Variants in UNK observed in about 807,000 individuals in gnomAD.
UNK encodes the protein unk zinc finger, also known as RING finger protein unkempt homolog.
Under a neutral mutation model 97.6 loss-of-function variants are expected in UNK, and 32 were observed. The observed-to-expected ratio is 0.33, with a 90% CI of 0.25 to 0.44. The LOEUF is 0.44. Ranked by LOEUF, UNK falls within the 20% of genes least tolerant of loss-of-function variation. UNK has a pLI of 1.00. For synonymous variants in UNK, 441 were observed against 461.2 expected (o/e 0.96, Z 0.56); for missense variants, 771 against 1,098.4 (o/e 0.70, Z 4.21).
intron 1 of UNK, among the ~76,000 whole-genome samples, chr17:75,805,395 A>G (rs1406902431): frequency 2.9e-5 from 4 of 137,782 alleles, no homozygotes; most frequent in Admixed American, 7.1e-5. Flanking sequence ...ACTGTCTCAA[A>G]AAGGAAAAAA....
At chr17:75,810,724 C>T (rs1332780530) in intron 2 of UNK, among the ~76,000 whole-genome samples, 1 of 152,208 alleles carries the variant, frequency 6.6e-6, no homozygotes, top group East Asian at 1.9e-4. Context: ...GCAACCTCCA[C>T]CTCCTGGGTG....
chr17:75,818,235 C>A lies in UNK; in HGVS notation c.1371+67C>A. The A allele has an allele frequency of 6.4e-7, 1 of 1,569,224 alleles. No homozygotes were observed. The highest frequency in any genetic ancestry group is 8.7e-7 in the Non-Finnish European group (1 of 1,146,466). On this transcript the variant is annotated intron_variant, in intron 10 of 15. Transcript: ENST00000589666. The surrounding 1 kb of genome is among the most constrained non-coding windows in gnomAD (Gnocchi z 5.1). ...AGGAGTGGCCCAGAACCCCAGGAGG[C>A]TTCGGGGAGTGGGAGGCACCACTTT...
Position 75,812,572 on chromosome 17 carries a change from G to A in UNK, c.609G>A (p.Glu203=), listed in dbSNP as rs756774600. The A allele has an allele frequency of 3.1e-6, 5 of 1,613,066 alleles. No individual in the cohort carries two copies. In the South Asian group the frequency reaches 5.5e-5, roughly 18 times the overall value. The part of the protein sequence containing the change: ...HAMIEKILSE[E]PRWQETAYVL... ...TGATAGAAAAGATCCTCAGCGAGGAGCCTCGGTGGCAAGGTACAGGCATCC... is the reference window on the plus strand; with the variant it reads ...TGATAGAAAAGATCCTCAGCGAGGAACCTCGGTGGCAAGGTACAGGCATCC... The change falls in exon 4 of 16, where the codon GAG becomes GAA. Residue 203 remains glutamate, a synonymous_variant. Coordinates refer to ENST00000589666, the MANE Select transcript of UNK (RefSeq NM_001080419.3).
At chr17:75,798,132 A>G (rs4788910) in intron 1 of UNK, among the ~76,000 whole-genome samples, 134,797 of 150,462 alleles carry the variant, frequency 0.9, 60,894 homozygotes, top group Non-Finnish European at 0.96. Context: ...GTGCAATGGC[A>G]CGATTTCGGC....
rs1265280655 is a variant in UNK at position 75,784,907 on chromosome 17, C to G, written c.27C>G (p.Gly9=). 1 of 1,572,866 alleles carries G rather than the reference C, an allele frequency of 6.4e-7. No homozygotes were observed. The highest frequency in any genetic ancestry group is 8.6e-7 in the Non-Finnish European group (1 of 1,163,196). Residue 9 remains glycine, a synonymous_variant, in exon 1 of 16, where the codon GGC becomes GGG. Coordinates refer to ENST00000589666, the MANE Select transcript of UNK (RefSeq NM_001080419.3). MSKGPGPG[G]SAASSAPPAA... ...TGTCGAAGGGCCCCGGGCCCGGCGG[C>G]TCCGCAGCTTCCTCGGCGCCCCCGG...
chr17:75,801,213 G>A (rs999755597), intron 1 of UNK, among the ~76,000 whole-genome samples: 2 of 152,006 alleles, frequency 1.3e-5, no homozygotes, highest in African/African-American at 2.4e-5. Context: ...AGCATACCAT[G>A]TTTTATACGT....
At chr17:75,806,462 C>G (rs77688491) in intron 1 of UNK, among the ~76,000 whole-genome samples, 1 of 126,730 alleles carries the variant, frequency 7.9e-6, no homozygotes, top group African/African-American at 2.9e-5. Flanking sequence ...GACTCCGTCT[C>G]AAAAAAAAAA....
chr17:75,787,544 G>A (rs144866869), intron 1 of UNK, among the ~76,000 whole-genome samples: 23 of 151,104 alleles, frequency 1.5e-4, no homozygotes, highest in African/African-American at 5.3e-4. Context: ...AAGAGACATG[G>A]GCAGGGTGCG....
chr17:75,795,428 C>T (rs1026105958), intron 1 of UNK, among the ~76,000 whole-genome samples: 1 of 152,026 alleles, frequency 6.6e-6, no homozygotes, highest in Non-Finnish European at 1.5e-5. Context: ...CAACCTCCGC[C>T]TCCCGGGTTC....
chr17:75,803,519 T>C (rs1023230939), intron 1 of UNK, among the ~76,000 whole-genome samples: 3 of 152,174 alleles, frequency 2.0e-5, no homozygotes, highest in Admixed American at 6.5e-5. Context: ...CTGGTGGTGG[T>C]AAAAATATGT....
Position 75,819,900 on chromosome 17 carries a change from T to C in UNK, c.1649-20T>C, listed in dbSNP as rs764569572. The C allele has an allele frequency of 3.7e-6, 6 of 1,602,756 alleles. No homozygotes were observed. In the East Asian group the frequency reaches 1.3e-4, roughly 36 times the overall value. Reference sequence around the variant, plus strand: ...TCCGCTGCCCTCACCCAGCCCGTCCTCCCCGGGCCTCTCTTGCAGGCGGCA... The same window carrying C: ...TCCGCTGCCCTCACCCAGCCCGTCCCCCCCGGGCCTCTCTTGCAGGCGGCA... On this transcript the variant is annotated intron_variant, in intron 12 of 15. Coordinates refer to ENST00000589666, the MANE Select transcript of UNK (RefSeq NM_001080419.3). The surrounding 1 kb of genome is among the most constrained non-coding windows in gnomAD (Gnocchi z 5.4).
chr17:75,815,887 A>T (rs939058864), intron 7 of UNK, among the ~76,000 whole-genome samples: 10 of 2,942 alleles, frequency 3.4e-3, no homozygotes, highest in Non-Finnish European at 0.017. Flanking sequence ...CTCTGTCTTA[A>T]AAAAAAAAAA....
In UNK at chr17:75,785,004, C is replaced by G. The variant is rs766968667; in HGVS notation, c.104+20C>G. ...CTACACGTACGTAGAGCCCCCCCCCCCCCGCCGCGCGCGCACGCCTGACGT... is the reference window on the plus strand; with the variant it reads ...CTACACGTACGTAGAGCCCCCCCCCGCCCGCCGCGCGCGCACGCCTGACGT... On this transcript the variant is annotated intron_variant, in intron 1 of 15. Transcript: ENST00000589666. 6.0e-5 allele frequency: 84 copies of G among 1,401,326 alleles called. 2 individuals are homozygous for G. Among genetic ancestry groups the G allele is most frequent in the South Asian group, 7.8e-5 (5 of 64,208 alleles). 86.8% of individuals were successfully genotyped at this position (1,401,326 alleles called of 1,614,324 possible). A position where few individuals can be genotyped will look rare whatever the true frequency, so the allele number is the denominator to read the frequency against.
At chr17:75,814,365 G>A (rs55769445) in intron 6 of UNK, among the ~76,000 whole-genome samples, 20,213 of 151,586 alleles carry the variant, frequency 0.13, 1,444 homozygotes, top group Non-Finnish European at 0.15. Context: ...GGTGGTGAGC[G>A]CCTGTAACCC....
In UNK at chr17:75,816,895, G is replaced by A. The variant is rs776641138; in HGVS notation, c.1087G>A (p.Ala363Thr). ...SVPVSPSSPH[A>T]PDLSALLCRN... is the part of the protein sequence containing the mutation. ...GCCTGTGAGCCCCTCCAGCCCGCAT[G>A]CCCCTGACCTCAGTGCCGTACGTGT... Residue 363 changes from alanine to threonine, a missense_variant, in exon 8 of 16, where the codon GCC (alanine) becomes ACC (threonine). By Grantham distance (58) the Ala-to-Thr change is moderately conservative (BLOSUM62 0). Transcript: ENST00000589666. The surrounding 1 kb of genome is among the most constrained non-coding windows in gnomAD (Gnocchi z 4.0). 6.2e-7 allele frequency: 1 copy of A among 1,604,800 alleles called. No individual in the cohort carries two copies.
At chr17:75,815,336 C>A in intron 7 of UNK, 83 bp downstream of exon 7, 2 of 1,339,480 alleles carry the variant, frequency 1.5e-6, no homozygotes, top group Non-Finnish European at 2.1e-6. Flanking sequence ...CCGGGGATGG[C>A]CCCTGGCAGT....
chr17:75,794,172 A>C, intron 1 of UNK: 1 of 971,004 alleles, frequency 1.0e-6, no homozygotes, highest in South Asian at 4.8e-5. Context: ...TGTATATTAA[A>C]TATCCAGTAG....
chr17:75,784,993 A>T lies in UNK; in HGVS notation c.104+9A>T. 7 of 1,109,858 alleles carry T rather than the reference A, an allele frequency of 6.3e-6. No homozygotes were observed. Among genetic ancestry groups the T allele is most frequent in the Non-Finnish European group, 8.2e-6 (7 of 855,542 alleles). The allele number at this position is 1,109,858 out of a possible 1,614,324, so 68.8% of individuals were successfully genotyped here. ...AAACCGCAGCACTACACGTACGTAGAGCCCCCCCCCCCCCGCCGCGCGCGC... is the reference window on the plus strand; with the variant it reads ...AAACCGCAGCACTACACGTACGTAGTGCCCCCCCCCCCCCGCCGCGCGCGC... On this transcript the variant is annotated intron_variant, in intron 1 of 15. Transcript: ENST00000589666.
intron 1 of UNK, chr17:75,792,502 C>G (rs550408462): frequency 1.0e-6 from 1 of 984,752 alleles, no homozygotes; most frequent in Admixed American, 6.1e-5. Flanking sequence ...CCATTCTTAG[C>G]CAATATATAA....
Sources: allele counts gnomAD v4.1 joint callset (sites outside exome capture counted in the v4.1 genomes callset), GRCh38; gene constraint gnomAD v4.1.1; non-coding constraint Gnocchi (gnomAD v3.1); transcripts MANE v1.5; gene names NCBI Gene and HGNC (gene_info 2026-07-23, HGNC 2026-07-21).